Variants in ZNF75D observed in about 807,000 individuals in gnomAD.
ZNF75D encodes the protein zinc finger protein 75D.
A neutral mutation model predicts 33.3 loss-of-function variants in ZNF75D; 33 were observed. The observed-to-expected ratio is 0.99, with a 90% confidence interval of 0.75 to 1.32. ZNF75D has a LOEUF of 1.32. Among genes scored for constraint, ZNF75D ranks in the 40% most tolerant of loss-of-function variants. The pLI is 0.00. For missense variants in ZNF75D, 338 were observed against 367.5 expected (o/e 0.92, Z 0.66); for synonymous variants, 113 against 130.6 (o/e 0.87, Z 0.92).
Position 135,287,023 on chromosome X carries a change from G to T in ZNF75D, c.*114C>A. The T allele has an allele frequency of 1.6e-6, 1 of 625,176 alleles. No individual in the cohort carries two copies. Among genetic ancestry groups the T allele is most frequent in the Non-Finnish European group, 2.5e-6 (1 of 402,046 alleles). 51.5% of individuals were successfully genotyped at this position (625,176 alleles called of 1,213,427 possible). On this transcript the variant is annotated 3_prime_UTR_variant, in exon 7 of 7. Coordinates refer to ENST00000370766, the MANE Select transcript of ZNF75D (RefSeq NM_007131.5). ...CAGCTTAGATTCCTTTTTGTGAAGT[G>T]TAACATGTACCCTTCCCAAATGTTT...
At chrX:135,267,135 T>C (rs1484133750) in intron 1 of ZNF75D, among the ~76,000 whole-genome samples, 1 of 111,596 alleles carries the variant, frequency 9.0e-6, no homozygotes, top group Non-Finnish European at 1.9e-5. Context: ...GGGAAGTTTA[T>C]AGCTATAAGT....
downstream of ZNF75D, among the ~76,000 whole-genome samples, chrX:135,280,821 T>G (rs1556418413): frequency 8.9e-6 from 1 of 111,999 alleles, no homozygotes; most frequent in African/African-American, 3.2e-5. Flanking sequence ...TGGCCCCCAC[T>G]CTCTTCTGGC....
intron 1 of ZNF75D, among the ~76,000 whole-genome samples, chrX:135,335,526 T>C (rs187842068): frequency 1.3e-4 from 15 of 111,580 alleles, no homozygotes; most frequent in African/African-American, 4.2e-4. Flanking sequence ...ACATTCAAGG[T>C]AAATCCAAGG....
intron 1 of ZNF75D, chrX:135,298,307 GGA>G (rs1261867216): frequency 3.6e-5 from 4 of 112,232 alleles, no homozygotes; most frequent in African/African-American, 1.3e-4. Context: ...CAAAAAAAGA[GGA>G]GAGACTGATG....
chrX:135,259,472 C>G (rs1181749373), intron 1 of ZNF75D, among the ~76,000 whole-genome samples: 1 of 111,350 alleles, frequency 9.0e-6, no homozygotes, highest in Non-Finnish European at 1.9e-5. Context: ...TTATTTCCTT[C>G]ACCAGTGGTT....
intron 6 of ZNF75D, among the ~76,000 whole-genome samples, chrX:135,290,011 T>A (rs2084016157): frequency 8.9e-6 from 1 of 112,143 alleles, no homozygotes; most frequent in Non-Finnish European, 1.9e-5. Flanking sequence ...GAAAATTAAG[T>A]GACTGTGTTA....
At chrX:135,258,479 T>C (rs782237893) in intron 1 of ZNF75D, among the ~76,000 whole-genome samples, 185 of 111,505 alleles carry the variant, frequency 1.7e-3, no homozygotes, top group Non-Finnish European at 3.0e-3. Flanking sequence ...TTTTTAACGA[T>C]TGCCATTCTA....
At chrX:135,309,244 AAC>A (rs1384504621) in intron 1 of ZNF75D, among the ~76,000 whole-genome samples, 4 of 112,003 alleles carry the variant, frequency 3.6e-5, no homozygotes, top group Admixed American at 2.8e-4. Context: ...AGATTGATAC[AAC>A]AGTGTGTCCT....
chrX:135,322,785 G>A (rs1202354129), intron 1 of ZNF75D, among the ~76,000 whole-genome samples: 2 of 112,130 alleles, frequency 1.8e-5, no homozygotes, highest in Non-Finnish European at 1.9e-5. Flanking sequence ...TATGAGATAG[G>A]GCAATGGGGA....
chrX:135,258,258 G>A (rs899110110), intron 1 of ZNF75D, among the ~76,000 whole-genome samples: 6 of 107,820 alleles, frequency 5.6e-5, no homozygotes, highest in Non-Finnish European at 9.8e-5. Context: ...ATAAACATAC[G>A]TGTGCATGTG....
chrX:135,261,595 T>G (rs1556415518), intron 1 of ZNF75D, among the ~76,000 whole-genome samples: 2 of 111,939 alleles, frequency 1.8e-5, no homozygotes, highest in Admixed American at 9.5e-5. Flanking sequence ...TAAAGTCTGT[T>G]TTATCAGAGA....
chrX:135,291,526 C>T lies in ZNF75D; in HGVS notation c.642G>A (p.Gln214=), dbSNP rs782075742. 8.3e-7 allele frequency: 1 copy of T among 1,210,143 alleles called. No individual in the cohort carries two copies. Among genetic ancestry groups the T allele is most frequent in the Non-Finnish European group, 1.1e-6 (1 of 894,857 alleles). Residue 214 remains glutamine (Q), a synonymous_variant, in exon 5 of 7, where the codon CAG becomes CAA. Coordinates refer to ENST00000370766, the MANE Select transcript of ZNF75D (RefSeq NM_007131.5). The stretch of plus-strand genomic sequence containing the variant: ...CCATCTTCCAGTGTTTGATTCTTTT[C>T]TGCTCAGAAAGGGCTAACATCTGTT... The part of the protein sequence containing the change: ...HDQQMLALSE[Q]KRIKHWKMAS...
In ZNF75D at chrX:135,293,643, T is replaced by C; in HGVS notation, c.411+87A>G. The C allele has an allele frequency of 3.3e-6, 3 of 920,680 alleles. No homozygotes were observed. The Admixed American group carries it at 9.3e-5, about 29-fold the overall frequency. The allele number at this position is 920,680 out of a possible 1,213,427, so 75.9% of individuals were successfully genotyped here. A position where few individuals can be genotyped will look rare whatever the true frequency, so the allele number is the denominator to read the frequency against. On this transcript the variant is annotated intron_variant, in intron 3 of 6. Transcript: ENST00000370766. Reference sequence around the variant, plus strand: ...AAGGAGCAACAGAAGAGCGACTTAATCTGTCTAATTCTCTGATAACTCCTC... The same window carrying C: ...AAGGAGCAACAGAAGAGCGACTTAACCTGTCTAATTCTCTGATAACTCCTC...
At chrX:135,327,351 G>A (rs1458599038) in intron 1 of ZNF75D, among the ~76,000 whole-genome samples, 2 of 112,688 alleles carry the variant, frequency 1.8e-5, no homozygotes, top group African/African-American at 6.4e-5. Context: ...TGGTCTGGGA[G>A]AGAGGGTTAA....
At chrX:135,267,711 C>T (rs1556416473) in intron 1 of ZNF75D, among the ~76,000 whole-genome samples, 1 of 109,873 alleles carries the variant, frequency 9.1e-6, no homozygotes, top group Non-Finnish European at 1.9e-5. Context: ...ATCTCTTCTA[C>T]TCAAAACTGT....
chrX:135,342,836 T>TA lies in ZNF75D; in HGVS notation c.-1460dup, dbSNP rs1206763730. 2.7e-5 allele frequency: 3 copies of TA among 111,426 alleles called. No individual in the cohort carries two copies. Among genetic ancestry groups the TA allele is most frequent in the African/African-American group, 9.8e-5 (3 of 30,560 alleles). 9.2% of individuals were successfully genotyped at this position (111,426 alleles called of 1,213,427 possible). On this transcript the variant is annotated 5_prime_UTR_variant, in exon 1 of 7. The change abolishes the stop of an existing upstream ORF in the 5' untranslated region. Transcript: ENST00000370766. ...TCCAAACAACCCCAGAAGGGTCTATTACCCTTTCTGCATTTGACCAGTGCA... is the reference window on the plus strand; with the variant it reads ...TCCAAACAACCCCAGAAGGGTCTATTAACCCTTTCTGCATTTGACCAGTGCA...
At chrX:135,293,606 C>T in intron 3 of ZNF75D, 124 bp downstream of exon 3, 2 of 637,572 alleles carry the variant, frequency 3.1e-6, no homozygotes, top group Non-Finnish European at 4.7e-6. Flanking sequence ...CAGATCCTTG[C>T]TAGCTGTCCT....
At chrX:135,263,322 T>A (rs2083850188) in intron 1 of ZNF75D, among the ~76,000 whole-genome samples, 1 of 112,634 alleles carries the variant, frequency 8.9e-6, no homozygotes, top group African/African-American at 3.2e-5. Context: ...TCAAACACTG[T>A]GCTGGGAGAA....
At chrX:135,289,724 G>A (rs1229937465) in intron 6 of ZNF75D, among the ~76,000 whole-genome samples, 1 of 110,267 alleles carries the variant, frequency 9.1e-6, no homozygotes, top group Admixed American at 9.7e-5. Context: ...GTAAGGACTG[G>A]AGCTACACAT....
Sources: allele counts gnomAD v4.1 joint callset (sites outside exome capture counted in the v4.1 genomes callset), GRCh38; gene constraint gnomAD v4.1.1; transcripts MANE v1.5; gene names NCBI Gene and HGNC (gene_info 2026-07-23, HGNC 2026-07-21).